Variants in CIB2 observed in about 807,000 individuals in gnomAD.
CIB2 encodes the protein calcium and integrin-binding family member 2.
Under a neutral mutation model 23.1 loss-of-function variants are expected in CIB2, and 19 were observed. That is an observed-to-expected ratio of 0.82 (90% CI 0.57 to 1.21). The LOEUF (loss-of-function observed/expected upper bound fraction) is 1.21, where lower values mean the gene tolerates loss of function less well. CIB2 is among the 50% of genes most tolerant of loss of function. The pLI, the probability that CIB2 is intolerant of heterozygous loss-of-function variation, is 0.00. For synonymous variants in CIB2, 94 were observed against 91.7 expected (o/e 1.03, Z -0.14); for missense variants, 220 against 241.5 (o/e 0.91, Z 0.59).
chr15:78,108,027 C>T (rs1351771967), intron 4 of CIB2, among the ~76,000 whole-genome samples: 2 of 151,776 alleles, frequency 1.3e-5, no homozygotes, highest in Non-Finnish European at 2.9e-5. Flanking sequence ...CAAAAATTAG[C>T]CAGGTGTAGT....
intron 1 of CIB2, among the ~76,000 whole-genome samples, chr15:78,128,503 C>A (rs577169259): frequency 2.6e-5 from 4 of 152,136 alleles, no homozygotes; most frequent in Admixed American, 6.5e-5. Flanking sequence ...ATGGCAAAAC[C>A]CTGTTTTTAC....
At chr15:78,105,452 C>A in intron 5 of CIB2, 120 bp from the exon 6 acceptor site, 1 of 1,561,032 alleles carries the variant, frequency 6.4e-7, no homozygotes, top group South Asian at 1.2e-5. Flanking sequence ...TTAGGGAACC[C>A]TGCATAGTGG....
intron 5 of CIB2, 98 bp from the exon 6 acceptor site, chr15:78,105,430 G>C: frequency 6.3e-7 from 1 of 1,588,880 alleles, no homozygotes; most frequent in Non-Finnish European, 8.6e-7. Flanking sequence ...CCCCATGCTG[G>C]ACAGTGCCTC....
chr15:78,123,883 C>T lies in CIB2; in HGVS notation c.52-144G>A, dbSNP rs543808601. ...CTACTATCCCTTTCCACCTTGCCCT[C>T]ACCCACTGGGGACAGCTGGCTCTAG... On this transcript the variant is annotated intron_variant, in intron 1 of 5. Coordinates refer to ENST00000258930, the MANE Select transcript of CIB2 (RefSeq NM_006383.4). The T allele has an allele frequency of 4.4e-5, 40 of 903,612 alleles. No homozygotes were observed. The African/African-American group carries it at 5.6e-4, about 13-fold the overall frequency. The allele number at this position is 903,612 out of a possible 1,614,324, so 56.0% of individuals were successfully genotyped here.
At chr15:78,114,475 G>GA (rs1434391479) in intron 2 of CIB2, among the ~76,000 whole-genome samples, 3 of 152,176 alleles carry the variant, frequency 2.0e-5, no homozygotes, top group Non-Finnish European at 4.4e-5. Flanking sequence ...TCCAGGACCA[G>GA]AAACCATACT....
intron 2 of CIB2, among the ~76,000 whole-genome samples, chr15:78,121,701 A>G (rs1250481551): frequency 6.6e-6 from 1 of 152,066 alleles, no homozygotes; most frequent in Admixed American, 6.6e-5. Context: ...TTCTGCCATG[A>G]TTGTAAGTTT....
intron 2 of CIB2, among the ~76,000 whole-genome samples, chr15:78,119,228 A>G (rs1313805253): frequency 6.6e-6 from 1 of 152,110 alleles, no homozygotes; most frequent in East Asian, 1.9e-4. Context: ...TTCACTGTGC[A>G]TAATGTCCTT....
At chr15:78,106,191 T>C (rs1227310659) in intron 4 of CIB2, among the ~76,000 whole-genome samples, 1 of 152,124 alleles carries the variant, frequency 6.6e-6, no homozygotes, top group East Asian at 1.9e-4. Context: ...AGGTCAAAAG[T>C]CCAAATCTGA....
Position 78,116,590 on chromosome 15 carries a change from T to C in CIB2, c.87-5314A>G, listed in dbSNP as rs576819994. ...GGTATCCTTGGGAGGTCCTAGAACCTATCCCCCACAGATACTGAGAGAGGA... is the reference window on the plus strand; with the variant it reads ...GGTATCCTTGGGAGGTCCTAGAACCCATCCCCCACAGATACTGAGAGAGGA... On this transcript the variant is annotated intron_variant, in intron 2 of 5. Transcript: ENST00000258930. 5.3e-5 allele frequency among the ~76,000 whole-genome samples: 8 copies of C among 152,238 alleles called. No homozygotes were observed. The South Asian group carries it at 1.7e-3, about 32-fold the overall frequency.
At chr15:78,109,560 T>C (rs1440852279) in intron 3 of CIB2, 178 bp from the exon 4 acceptor site, 1 of 689,068 alleles carries the variant, frequency 1.5e-6, no homozygotes, top group Non-Finnish European at 2.5e-6. Context: ...TGTGATGGGA[T>C]TAAATGAGCT....
Position 78,111,268 on chromosome 15 carries a change from G to T in CIB2, c.95C>A (p.Ser32Ter). The change falls in exon 3 of 6, where the codon TCG (serine) becomes TAG (stop). Residue 32 changes from serine (S) to a stop codon, truncating the protein, a stop_gained. Transcript: ENST00000258930. LOFTEE classifies it high-confidence loss of function. ...GTTGGGGGCCAGCTCATAGAATCGCGAATGCAGCCTTGGAGGAAAGCAGAG... is the reference window on the plus strand; with the variant it reads ...GTTGGGGGCCAGCTCATAGAATCGCTAATGCAGCCTTGGAGGAAAGCAGAG... ...FNKKDILKLH[S>*]RFYELAPNLV... The T allele has an allele frequency of 6.2e-7, 1 of 1,613,886 alleles. No homozygotes were observed. The highest frequency in any genetic ancestry group is 8.5e-7 in the Non-Finnish European group (1 of 1,179,890).
In CIB2 at chr15:78,111,193, C is replaced by A. The variant is rs2074153391; in HGVS notation, c.170G>T (p.Ser57Ile). ...GAGCTCTGGCATCTGGATGATGAGG[C>A]TCATGGGCACGTGGACGATGGGGCT... ...RKSPIVHVPM[S>I]LIIQMPELRE... Residue 57 changes from serine to isoleucine, a missense_variant, in exon 3 of 6, where the codon AGC (serine) becomes ATC (isoleucine). Coordinates refer to ENST00000258930, the MANE Select transcript of CIB2 (RefSeq NM_006383.4). 1 of 1,614,050 alleles carries A rather than the reference C, an allele frequency of 6.2e-7. No individual in the cohort carries two copies. Among genetic ancestry groups the A allele is most frequent in the Non-Finnish European group, 8.5e-7 (1 of 1,180,052 alleles).
intron 2 of CIB2, among the ~76,000 whole-genome samples, chr15:78,119,379 C>T (rs1443715651): frequency 6.6e-6 from 1 of 152,140 alleles, no homozygotes; most frequent in Non-Finnish European, 1.5e-5. Context: ...AATAATGCTG[C>T]TATGATTGTG....
At chr15:78,118,696 T>C (rs1314141492) in intron 2 of CIB2, among the ~76,000 whole-genome samples, 1 of 152,178 alleles carries the variant, frequency 6.6e-6, no homozygotes, top group Non-Finnish European at 1.5e-5. Context: ...TGTACCATCT[T>C]AACCATTTTG....
At chr15:78,123,867 C>A in intron 1 of CIB2, 128 bp from the exon 2 acceptor site, 1 of 1,049,112 alleles carries the variant, frequency 9.5e-7, no homozygotes, top group Non-Finnish European at 1.5e-6. Flanking sequence ...ACTACTATCC[C>A]TTTCCACCTT....
rs1007473557 is a variant in CIB2, at chr15:78,109,237, T to C, written c.344A>G (p.Tyr115Cys). Reference protein sequence around the residue: ...ELKANYAFKIYDFNTDNFICK... With the variant: ...ELKANYAFKICDFNTDNFICK... ...CCCCCTCCTCTAGCCCTGGTTACCA[T>C]AGATCTTGAAGGCATAGTTTGCCTT... The change falls in exon 4 of 6, where the codon TAT becomes TGT. Residue 115 changes from tyrosine to cysteine, a missense_variant and splice_region_variant. Coordinates refer to ENST00000258930, the MANE Select transcript of CIB2 (RefSeq NM_006383.4). 1 of 1,451,910 alleles carries C rather than the reference T, an allele frequency of 6.9e-7. No homozygotes were observed. Among genetic ancestry groups the C allele is most frequent in the Non-Finnish European group, 9.3e-7 (1 of 1,078,530 alleles). 89.9% of individuals were successfully genotyped at this position (1,451,910 alleles called of 1,614,324 possible). A position where few individuals can be genotyped will look rare whatever the true frequency, so the allele number is the denominator to read the frequency against.
intron 2 of CIB2, among the ~76,000 whole-genome samples, chr15:78,121,845 G>T (rs911899234): frequency 1.3e-5 from 2 of 152,180 alleles, no homozygotes; most frequent in African/African-American, 4.8e-5. Flanking sequence ...CATCATATTG[G>T]ATCGGATTCC....
chr15:78,108,573 A>C (rs1312293441), intron 4 of CIB2, among the ~76,000 whole-genome samples: 3 of 152,154 alleles, frequency 2.0e-5, no homozygotes, highest in African/African-American at 7.2e-5. Context: ...GGGTGAATCC[A>C]GGTGGCCCTA....
At chr15:78,113,819 T>G (rs1446289143) in intron 2 of CIB2, among the ~76,000 whole-genome samples, 2 of 152,178 alleles carry the variant, frequency 1.3e-5, no homozygotes, top group African/African-American at 2.4e-5. Context: ...GCATCTTCTT[T>G]CATAATTCAT....
Sources: gnomAD v4.1 joint callset for allele counts (sites outside exome capture counted in the v4.1 genomes callset) on GRCh38, gnomAD v4.1.1 for gene constraint, MANE v1.5 for transcripts, NCBI Gene and HGNC (gene_info 2026-07-23, HGNC 2026-07-21) for gene names.